The following ANXA8 variants were observed in gnomAD, a reference collection of about 807,000 sequenced individuals.
ANXA8 encodes annexin A8.
ANXA8 carries 9 observed loss-of-function variants against 26.8 expected under a neutral mutation model. The ratio of observed to expected loss-of-function variants is 0.34; its 90% CI spans 0.20 to 0.59. ANXA8 has a LOEUF of 0.59. ANXA8 is among the 20% of genes least tolerant of loss of function. The pLI, the probability that ANXA8 is intolerant of heterozygous loss-of-function variation, is 0.84. For synonymous variants in ANXA8, 39 were observed against 94.8 expected, an observed-to-expected ratio of 0.41 and a Z score of 3.42; for missense variants, 83 against 238.5, an observed-to-expected ratio of 0.35 and a Z score of 4.29.
At chr10:47,633,707 C>T in the ANXA8 span, among the ~76,000 whole-genome samples, 1 of 141,192 alleles carries the variant, frequency 7.1e-6, no homozygotes, top group Non-Finnish European at 1.5e-5. Flanking sequence ...TACAAATGGC[C>T]CCTCAGCGAA....
chr10:47,681,260 G>T, the ANXA8 span, among the ~76,000 whole-genome samples: 1 of 152,002 alleles, frequency 6.6e-6, no homozygotes, highest in Non-Finnish European at 1.5e-5. Context: ...TATCAGTGAT[G>T]ATGCCAAGGT....
At chr10:47,505,501 GT>G in the ANXA8 span, among the ~76,000 whole-genome samples, 2 of 139,848 alleles carry the variant, frequency 1.4e-5, no homozygotes, top group South Asian at 4.7e-4. Flanking sequence ...CTTTTTTTTT[GT>G]TTTTAAAGAA....
At chr10:47,719,158 CTTT>C in the ANXA8 span, among the ~76,000 whole-genome samples, 19 of 114,828 alleles carry the variant, frequency 1.7e-4, no homozygotes, top group African/African-American at 4.2e-4. Context: ...TCCTATTTGG[CTTT>C]TTTTTTTTTT....
the ANXA8 span, among the ~76,000 whole-genome samples, chr10:47,622,568 A>C: frequency 3.4e-5 from 3 of 87,848 alleles, no homozygotes; most frequent in African/African-American, 1.6e-4. Context: ...TTACTTACCT[A>C]TTGTTTCCTG....
the ANXA8 span, among the ~76,000 whole-genome samples, chr10:47,489,908 C>T: frequency 2.7e-5 from 4 of 150,168 alleles, no homozygotes; most frequent in African/African-American, 5.0e-5. Flanking sequence ...GAAGGACCTT[C>T]CCCCACAGCT....
the ANXA8 span, among the ~76,000 whole-genome samples, chr10:47,682,678 G>A: frequency 6.6e-6 from 1 of 151,694 alleles, no homozygotes; most frequent in Admixed American, 6.6e-5. Flanking sequence ...TGTCGTGTTA[G>A]CCAGGATGGT....
chr10:47,937,076 G>C, the ANXA8 span, among the ~76,000 whole-genome samples: 1 of 149,868 alleles, frequency 6.7e-6, no homozygotes, highest in Admixed American at 6.7e-5. Flanking sequence ...GCCTCTGTTT[G>C]CTGTGCCTAC....
At chr10:47,673,334 T>A in the ANXA8 span, among the ~76,000 whole-genome samples, 1 of 151,460 alleles carries the variant, frequency 6.6e-6, no homozygotes, top group Non-Finnish European at 1.5e-5. Context: ...CAGCAGAGGC[T>A]CTCCAGGCTT....
At chr10:47,608,114 C>T in the ANXA8 span, among the ~76,000 whole-genome samples, 2 of 144,750 alleles carry the variant, frequency 1.4e-5, no homozygotes, top group African/African-American at 2.7e-5. Flanking sequence ...TGGTAAAAAT[C>T]CATATCCTTT....
chr10:47,680,220 C>T, the ANXA8 span, among the ~76,000 whole-genome samples: 1 of 151,770 alleles, frequency 6.6e-6, no homozygotes, highest in Admixed American at 6.6e-5. Context: ...TTCTATTGCA[C>T]AGTGGGGTGA....
the ANXA8 span, among the ~76,000 whole-genome samples, chr10:47,631,444 T>C: frequency 3.3e-5 from 5 of 151,140 alleles, 1 homozygote; most frequent in Admixed American, 3.3e-4. Context: ...TATGTACACC[T>C]GGCCTCATTT....
the ANXA8 span, among the ~76,000 whole-genome samples, chr10:47,583,511 C>CG: frequency 1.0e-5 from 1 of 99,230 alleles, no homozygotes; most frequent in African/African-American, 4.7e-5. Context: ...AGCCGCTGGG[C>CG]GGGGCCTTCC....
chr10:47,746,889 C>A, the ANXA8 span, among the ~76,000 whole-genome samples: 12 of 112,882 alleles, frequency 1.1e-4, no homozygotes, highest in Admixed American at 3.9e-4. Context: ...ATCCCATTCC[C>A]TGTATAAAAT....
At chr10:47,554,447 GGGAA>G in the ANXA8 span, among the ~76,000 whole-genome samples, 5 of 151,068 alleles carry the variant, frequency 3.3e-5, no homozygotes, top group Non-Finnish European at 7.4e-5. Context: ...CTTTCCCTGA[GGGAA>G]GGTAGCATCT....
At chr10:47,651,283 C>CAA in the ANXA8 span, among the ~76,000 whole-genome samples, 300 of 136,746 alleles carry the variant, frequency 2.2e-3, 2 homozygotes, top group East Asian at 0.01. Context: ...AAAAAAATCT[C>CAA]AAAAAAAAAA....
the ANXA8 span, chr10:47,589,183 A>G: frequency 6.8e-6 from 1 of 146,628 alleles, no homozygotes; most frequent in African/African-American, 2.8e-5. Context: ...CATCATTGTG[A>G]TGGGCAAGCA....
the ANXA8 span, among the ~76,000 whole-genome samples, chr10:47,674,311 T>A: frequency 1.3e-5 from 2 of 150,948 alleles, no homozygotes; most frequent in Admixed American, 1.3e-4. Flanking sequence ...TTTTTTTTTT[T>A]AATAGAGACA....
At chr10:47,887,895 G>T in the ANXA8 span, among the ~76,000 whole-genome samples, 1 of 8,314 alleles carries the variant, frequency 1.2e-4, no homozygotes, top group East Asian at 1.9e-3. Context: ...AATAATAGTA[G>T]TTTTACCTTC....
chr10:47,626,790 G>C, the ANXA8 span, among the ~76,000 whole-genome samples: 58 of 150,330 alleles, frequency 3.9e-4, no homozygotes, highest in African/African-American at 1.3e-3. Flanking sequence ...TGTGACATGC[G>C]CAAAGGAAGG....
Sources: gnomAD v4.1 joint callset for allele counts (sites outside exome capture counted in the v4.1 genomes callset) on GRCh38, gnomAD v4.1.1 for gene constraint, MANE v1.5 for transcripts, NCBI Gene and HGNC (gene_info 2026-07-23, HGNC 2026-07-21) for gene names.